ZNF594: variants seen among roughly 807,000 people sequenced by gnomAD.
The protein encoded by ZNF594 is zinc finger protein 594.
For synonymous variants in ZNF594, 336 were observed against 309.4 expected (o/e 1.09, Z -0.90); for missense variants, 1,037 against 964.6 (o/e 1.08, Z -0.99).
At position 5,181,610 on chromosome 17, in the gene ZNF594, C is replaced by T. The variant is rs1196453222; in HGVS notation, c.*223G>A. 3 of 1,607,912 alleles carry T rather than the reference C, an allele frequency of 1.9e-6. No individual in the cohort carries two copies. The highest frequency in any genetic ancestry group is 1.1e-5 in the South Asian group (1 of 90,930). Reference sequence around the variant, plus strand: ...GACGTTGAATAAGGAGTGAACGCCGCCTGAAGGCTTTTTCACATTCAGTGC... The same window carrying T: ...GACGTTGAATAAGGAGTGAACGCCGTCTGAAGGCTTTTTCACATTCAGTGC... On this transcript the variant is annotated 3_prime_UTR_variant, in exon 2 of 2. Coordinates refer to ENST00000575779, the MANE Select transcript of ZNF594 (RefSeq NM_032530.2).
intron 1 of ZNF594, among the ~76,000 whole-genome samples, chr17:5,186,489 T>C (rs375740828): frequency 7.5e-4 from 114 of 152,376 alleles, no homozygotes; most frequent in African/African-American, 2.6e-3. Flanking sequence ...GAGGGGCTGC[T>C]GTGAAGACTT....
At chr17:5,177,538 C>T (rs995094345), downstream of ZNF594, among the ~76,000 whole-genome samples, 25 of 152,180 alleles carry the variant, frequency 1.6e-4, no homozygotes, top group East Asian at 4.3e-3. Context: ...GCTGAAAACC[C>T]GTCTCTACTA....
In ZNF594 at chr17:5,183,423, TTGAC is replaced by T. The variant is rs1347372187; in HGVS notation, c.830_833del (p.Ser277LysfsTer119). 15 of 1,613,708 alleles carry T rather than the reference TTGAC, an allele frequency of 9.3e-6. No individual in the cohort carries two copies. Among genetic ancestry groups the T allele is most frequent in the Middle Eastern group, 1.6e-4 (1 of 6,084 alleles). On this transcript the variant is annotated frameshift_variant, in exon 2 of 2. Coordinates refer to ENST00000575779, the MANE Select transcript of ZNF594 (RefSeq NM_032530.2). LOFTEE classifies it low-confidence loss of function (END_TRUNC). ...TCTGATGTGGGACAAGGTGTGAACT[TTGAC>T]TGAACATCTGTCCACAGTCATAACA...
At chr17:5,190,254 G>C (rs1333107496) in intron 1 of ZNF594, among the ~76,000 whole-genome samples, 1 of 152,170 alleles carries the variant, frequency 6.6e-6, no homozygotes, top group East Asian at 1.9e-4. Context: ...TGTAGTCCCA[G>C]CTACTCGGAA....
downstream of ZNF594, among the ~76,000 whole-genome samples, chr17:5,177,217 G>A (rs936304608): frequency 6.6e-6 from 1 of 150,784 alleles, no homozygotes; most frequent in African/African-American, 2.4e-5. Flanking sequence ...AAAAAAAGTT[G>A]GTTTATAAAT....
At position 5,183,690 on chromosome 17, in the gene ZNF594, T is replaced by C. The variant is rs780802453; in HGVS notation, c.567A>G (p.Gly189=). 1.2e-6 allele frequency: 2 copies of C among 1,614,100 alleles called. No individual in the cohort carries two copies. The change falls in exon 2 of 2, where the codon GGA becomes GGG. Residue 189 remains glycine (G), a synonymous_variant. Transcript: ENST00000575779. The part of the protein sequence containing the change: ...GKKPYICHEC[G]KDFNQSSNLV... ...GATTGGAGCTCTGATTGAAGTCTTT[T>C]CCACATTCATGACATATATAAGGTT...
chr17:5,188,949 A>G (rs1046046049), intron 1 of ZNF594, among the ~76,000 whole-genome samples: 5 of 151,918 alleles, frequency 3.3e-5, no homozygotes, highest in East Asian at 3.9e-4. Flanking sequence ...GGGTTTCACC[A>G]CATTAGCCAG....
At chr17:5,187,393 T>C (rs1259345277) in intron 1 of ZNF594, among the ~76,000 whole-genome samples, 2 of 152,236 alleles carry the variant, frequency 1.3e-5, no homozygotes, top group Non-Finnish European at 2.9e-5. Flanking sequence ...ATGGGAATTA[T>C]GGAAGTACAA....
In ZNF594 at chr17:5,181,066, G is replaced by T. The variant is rs188140887; in HGVS notation, c.*767C>A. 3 of 1,308,506 alleles carry T rather than the reference G, an allele frequency of 2.3e-6. No homozygotes were observed. Among genetic ancestry groups the T allele is most frequent in the South Asian group, 1.2e-5 (1 of 84,516 alleles). The allele number at this position is 1,308,506 out of a possible 1,614,324, so 81.1% of individuals were successfully genotyped here. A position where few individuals can be genotyped will look rare whatever the true frequency, so the allele number is the denominator to read the frequency against. ...TTACCACAGTTGCTACATTCAAAGG[G>T]TTTCTCTCTGGTATGAATTCTTTGA... On this transcript the variant is annotated 3_prime_UTR_variant, in exon 2 of 2. Coordinates refer to ENST00000575779, the MANE Select transcript of ZNF594 (RefSeq NM_032530.2).
rs1040633426 is a variant in ZNF594 at position 5,188,983 on chromosome 17, G to A, written c.-21+2765C>T. ...AGGATGGTCTCGATCTCCTGACCTC[G>A]TGATCTGCCCGCCTTGGCCTCCCAA... On this transcript the variant is annotated intron_variant, in intron 1 of 1. Transcript: ENST00000575779. Among the ~76,000 whole-genome samples, 18 of 151,726 alleles carry A rather than the reference G, an allele frequency of 1.2e-4. 1 individual carries two copies. The highest frequency in any genetic ancestry group is 8.5e-4 in the Admixed American group (13 of 15,256).
Position 5,183,064 on chromosome 17 carries a change from T to C in ZNF594, c.1193A>G (p.His398Arg), listed in dbSNP as rs1270778725. ...TSDLIRHQVT[H>R]TGEKPYECKE... is the part of the protein sequence containing the mutation. ...ACATTCATATGGTTTCTCTCCTGTA[T>C]GAGTTACCTGATGTCTGATGAGGTC... is the stretch of plus-strand genomic sequence containing the variant. The change falls in exon 2 of 2, where the codon CAT becomes CGT. Residue 398 changes from histidine to arginine, a missense_variant. Transcript: ENST00000575779. 1.9e-6 allele frequency: 3 copies of C among 1,613,866 alleles called. No homozygotes were observed. The highest frequency in any genetic ancestry group is 1.7e-5 in the Admixed American group (1 of 60,022).
In ZNF594 at chr17:5,183,000, A is replaced by G. The variant is rs759509444; in HGVS notation, c.1257T>C (p.Leu419=). 6.2e-7 allele frequency: 1 copy of G among 1,614,030 alleles called. No individual in the cohort carries two copies. The highest frequency in any genetic ancestry group is 8.5e-7 in the Non-Finnish European group (1 of 1,180,010). The change falls in exon 2 of 2, where the codon CTT becomes CTC. Residue 419 remains leucine (L), a synonymous_variant. Coordinates refer to ENST00000575779, the MANE Select transcript of ZNF594 (RefSeq NM_032530.2). ...CGKTFNQSSD[L]LRHHRIHSGE... ...CACTGTGAATTCTATGATGTCTCAG[A>G]AGGTCTGAGCTCTGATTGAAAGTTT...
At chr17:5,175,920 G>A (rs1027978604), downstream of ZNF594, among the ~76,000 whole-genome samples, 6 of 152,088 alleles carry the variant, frequency 3.9e-5, no homozygotes, top group African/African-American at 1.4e-4. Flanking sequence ...TTAAATGAAG[G>A]ACACAAACCC....
Position 5,181,051 on chromosome 17 carries a change from T to A in ZNF594, c.*782A>T. 1.7e-6 allele frequency: 2 copies of A among 1,169,546 alleles called. No homozygotes were observed. Among genetic ancestry groups the A allele is most frequent in the South Asian group, 2.5e-5 (2 of 81,224 alleles). 72.4% of individuals were successfully genotyped at this position (1,169,546 alleles called of 1,614,324 possible). ...CACCCACTGAAGGCCTTACCACAGT[T>A]GCTACATTCAAAGGGTTTCTCTCTG... On this transcript the variant is annotated 3_prime_UTR_variant, in exon 2 of 2. Transcript: ENST00000575779.
chr17:5,174,817 G>C (rs938244196), downstream of ZNF594: 5 of 195,230 alleles, frequency 2.6e-5, no homozygotes, highest in Admixed American at 6.1e-5. Context: ...TATAAAACTT[G>C]TTGACAATGC....
Position 5,180,050 on chromosome 17 carries a change from CA to C in ZNF594, c.*1782del, listed in dbSNP as rs1299549466. 1.3e-5 allele frequency: 2 copies of C among 150,866 alleles called. No individual in the cohort carries two copies. Among genetic ancestry groups the C allele is most frequent in the Non-Finnish European group, 2.9e-5 (2 of 67,900 alleles). 9.3% of individuals were successfully genotyped at this position (150,866 alleles called of 1,614,324 possible). A position where few individuals can be genotyped will look rare whatever the true frequency, so the allele number is the denominator to read the frequency against. On this transcript the variant is annotated 3_prime_UTR_variant, in exon 2 of 2. Transcript: ENST00000575779. The stretch of plus-strand genomic sequence containing the variant: ...CACTGTACAGCATTGTAAAGACAAG[CA>C]GAAGAGTTAGACTTTTTTTTTTTTT...
intron 1 of ZNF594, among the ~76,000 whole-genome samples, chr17:5,186,666 T>G (rs2074388348): frequency 6.6e-6 from 1 of 152,238 alleles, no homozygotes; most frequent in Non-Finnish European, 1.5e-5. Flanking sequence ...ATGCTCTGCT[T>G]CCCTCATAAA....
chr17:5,175,299 G>T (rs2309367), downstream of ZNF594, among the ~76,000 whole-genome samples: 1 of 152,052 alleles, frequency 6.6e-6, no homozygotes, highest in South Asian at 2.1e-4. Context: ...GATCAGCAGC[G>T]GCACGCCATT....
At chr17:5,176,212 A>G (rs4790749), downstream of ZNF594, among the ~76,000 whole-genome samples, 113,872 of 151,904 alleles carry the variant, frequency 0.75, 43,494 homozygotes, top group Non-Finnish European at 0.82. Context: ...CCTGACCAAT[A>G]TGGAGAAACC....
Sources: allele counts gnomAD v4.1 joint callset (sites outside exome capture counted in the v4.1 genomes callset), GRCh38; gene constraint gnomAD v4.1.1; transcripts MANE v1.5; gene names NCBI Gene and HGNC (gene_info 2026-07-23, HGNC 2026-07-21).